CDH18: variants seen among roughly 807,000 people sequenced by gnomAD.
CDH18 encodes cadherin 18, also known as cadherin-18.
Under a neutral mutation model 67.9 loss-of-function variants are expected in CDH18, and 31 were observed. The ratio of observed to expected loss-of-function variants is 0.46; its 90% CI spans 0.34 to 0.62. The LOEUF is 0.62. Ranked by LOEUF, CDH18 falls within the 20% of genes least tolerant of loss-of-function variation. The probability of loss-of-function intolerance (pLI) is 0.01; values close to 1 mark genes in which losing one functional copy is unlikely to be tolerated. For missense variants in CDH18, 890 were observed against 975.5 expected (o/e 0.91, Z 1.17); for synonymous variants, 362 against 347.2 (o/e 1.04, Z -0.48).
intron 8 of CDH18, among the ~76,000 whole-genome samples, chr5:19,553,386 C>T (rs981429503): frequency 2.0e-5 from 3 of 151,256 alleles, no homozygotes; most frequent in Non-Finnish European, 2.9e-5. Flanking sequence ...TGAACATGTA[C>T]CCTAAAACTT....
intron 3 of CDH18, among the ~76,000 whole-genome samples, chr5:19,782,652 C>T (rs564477011): frequency 6.6e-6 from 1 of 152,254 alleles, no homozygotes; most frequent in African/African-American, 2.4e-5. Context: ...TTTACATGAG[C>T]GCACTTAGAC....
intron 1 of CDH18, among the ~76,000 whole-genome samples, chr5:20,322,238 A>G (rs528567055): frequency 6.6e-6 from 1 of 152,270 alleles, no homozygotes; most frequent in East Asian, 1.9e-4. Flanking sequence ...AGTTGAGTCA[A>G]TAAGAGCAGA....
chr5:20,439,873 C>T (rs771610551), intron 1 of CDH18, among the ~76,000 whole-genome samples: 25 of 151,708 alleles, frequency 1.6e-4, no homozygotes, highest in South Asian at 2.1e-4. Context: ...ATTTATTATA[C>T]GGCTTTTGAA....
chr5:20,429,805 A>G (rs1748596931), intron 1 of CDH18, among the ~76,000 whole-genome samples: 1 of 152,204 alleles, frequency 6.6e-6, no homozygotes. Flanking sequence ...GTGTCATTGT[A>G]TAAAAGATGT....
intron 7 of CDH18, among the ~76,000 whole-genome samples, chr5:19,579,202 T>G (rs1742819484): frequency 6.6e-6 from 1 of 151,978 alleles, no homozygotes; most frequent in African/African-American, 2.4e-5. Context: ...TATTTCTTTG[T>G]ATATATTGTG....
intron 2 of CDH18, among the ~76,000 whole-genome samples, chr5:19,965,860 C>T (rs1797380823): frequency 6.6e-6 from 1 of 152,024 alleles, no homozygotes; most frequent in South Asian, 2.1e-4. Context: ...TGTATTGTCC[C>T]GCCATGTCAA....
At chr5:20,368,294 A>G (rs1742686541) in intron 1 of CDH18, among the ~76,000 whole-genome samples, 1 of 152,194 alleles carries the variant, frequency 6.6e-6, no homozygotes, top group African/African-American at 2.4e-5. Flanking sequence ...AATTAGATGA[A>G]GACTATTTTA....
At chr5:20,260,570 A>C (rs1336189146) in intron 1 of CDH18, among the ~76,000 whole-genome samples, 1 of 152,150 alleles carries the variant, frequency 6.6e-6, no homozygotes. Flanking sequence ...GAAAGACTTA[A>C]ACAGTTCTGT....
At chr5:20,066,647 AAATAT>A (rs1743002190) in intron 2 of CDH18, among the ~76,000 whole-genome samples, 1 of 152,038 alleles carries the variant, frequency 6.6e-6, no homozygotes, top group Non-Finnish European at 1.5e-5. Flanking sequence ...TCCAGTGAAC[AAATAT>A]AATAATAAAT....
chr5:19,807,165 G>A (rs1217872639), intron 3 of CDH18, among the ~76,000 whole-genome samples: 1 of 152,120 alleles, frequency 6.6e-6, no homozygotes, highest in Non-Finnish European at 1.5e-5. Context: ...ATAGGGACCT[G>A]TTGGGATTTG....
intron 1 of CDH18, among the ~76,000 whole-genome samples, chr5:20,425,741 A>G (rs1193306391): frequency 6.6e-5 from 10 of 151,210 alleles, no homozygotes; most frequent in Non-Finnish European, 1.0e-4. Flanking sequence ...AAGATATAAT[A>G]TTATATTGAT....
intron 5 of CDH18, among the ~76,000 whole-genome samples, chr5:19,615,697 C>A (rs78828081): frequency 6.6e-6 from 1 of 152,076 alleles, no homozygotes; most frequent in Admixed American, 6.5e-5. Context: ...TTCTCTATCC[C>A]TCCCCTCCCT....
intron 12 of CDH18, among the ~76,000 whole-genome samples, chr5:19,478,196 T>C (rs961720963): frequency 6.6e-6 from 1 of 152,170 alleles, no homozygotes; most frequent in Non-Finnish European, 1.5e-5. Flanking sequence ...GTTCCCATAA[T>C]ATAAACTATC....
chr5:19,992,085 A>C (rs992388755), upstream of CDH18: 1 of 151,814 alleles, frequency 6.6e-6, no homozygotes, highest in African/African-American at 2.4e-5. Flanking sequence ...AATGAAAGAC[A>C]TCTATCAAGA....
At chr5:20,172,209 T>TAC (rs1160227644) in intron 2 of CDH18, among the ~76,000 whole-genome samples, 17 of 66,478 alleles carry the variant, frequency 2.6e-4, no homozygotes, top group African/African-American at 1.1e-3. Context: ...TATATATATA[T>TAC]ATATATATAT....
At chr5:20,206,403 C>T (rs555175901) in intron 2 of CDH18, among the ~76,000 whole-genome samples, 3 of 151,822 alleles carry the variant, frequency 2.0e-5, no homozygotes, top group Non-Finnish European at 4.4e-5. Context: ...CTCTACCAAA[C>T]ATTTAATTAA....
chr5:19,482,271 A>C (rs1023703283), intron 12 of CDH18, among the ~76,000 whole-genome samples: 1 of 151,802 alleles, frequency 6.6e-6, no homozygotes, highest in African/African-American at 2.4e-5. Flanking sequence ...GCCTGCCACC[A>C]CCCCTGGCTA....
intron 2 of CDH18, among the ~76,000 whole-genome samples, chr5:20,139,267 A>C (rs1750026860): frequency 6.6e-6 from 1 of 152,232 alleles, no homozygotes; most frequent in African/African-American, 2.4e-5. Context: ...AGCCATATGT[A>C]GAAAGTTGAA....
chr5:19,555,893 G>A (rs1738323635), intron 8 of CDH18, among the ~76,000 whole-genome samples: 1 of 152,152 alleles, frequency 6.6e-6, no homozygotes, highest in South Asian at 2.1e-4. Flanking sequence ...TACCTATAAT[G>A]GAGTAGGTGC....
Sources: gnomAD v4.1 joint callset for allele counts (sites outside exome capture counted in the v4.1 genomes callset) on GRCh38, gnomAD v4.1.1 for gene constraint, MANE v1.5 for transcripts, NCBI Gene and HGNC (gene_info 2026-07-23, HGNC 2026-07-21) for gene names.